The following DOCK3 variants were observed in gnomAD, a reference collection of about 807,000 sequenced individuals.
DOCK3 encodes dedicator of cytokinesis protein 3.
Under a neutral mutation model 265.6 loss-of-function variants are expected in DOCK3, and 60 were observed. That is an observed-to-expected ratio of 0.23 (90% CI 0.18 to 0.28). The LOEUF is 0.28. DOCK3 is among the 10% of genes least tolerant of loss of function. DOCK3 has a pLI of 1.00. For missense variants in DOCK3, 1,981 were observed against 2,594.3 expected, an observed-to-expected ratio of 0.76 and a Z score of 5.14; for synonymous variants, 881 against 938.0, an observed-to-expected ratio of 0.94 and a Z score of 1.11.
At chr3:51,249,876 G>T (rs1161599509) in intron 22 of DOCK3, among the ~76,000 whole-genome samples, 1 of 147,434 alleles carries the variant, frequency 6.8e-6, no homozygotes, top group South Asian at 2.2e-4. Context: ...GATGGTTGCC[G>T]TGTCTGTGTA....
Position 50,982,118 on chromosome 3 carries a change from G to C in DOCK3, c.315+48041G>C, listed in dbSNP as rs1053365687. Among the ~76,000 whole-genome samples, 5 of 152,178 alleles carry C rather than the reference G, an allele frequency of 3.3e-5. 1 individual carries two copies. Among genetic ancestry groups the C allele is most frequent in the Admixed American group, 3.3e-4 (5 of 15,288 alleles). ...CCTGCCTCTGCCTCCCAAAGTGCTGGGATTACAGGGGTGAACCACTGCCCC... is the reference window on the plus strand; with the variant it reads ...CCTGCCTCTGCCTCCCAAAGTGCTGCGATTACAGGGGTGAACCACTGCCCC... On this transcript the variant is annotated intron_variant, in intron 5 of 52. Transcript: ENST00000266037.
chr3:50,686,166 G>A (rs2034783199), intron 1 of DOCK3, among the ~76,000 whole-genome samples: 1 of 151,964 alleles, frequency 6.6e-6, no homozygotes, highest in South Asian at 2.1e-4. Flanking sequence ...CCTGCAACTA[G>A]ATGGTCCCAT....
At chr3:51,090,641 G>C (rs1481374515) in intron 9 of DOCK3, among the ~76,000 whole-genome samples, 1 of 152,158 alleles carries the variant, frequency 6.6e-6, no homozygotes, top group Non-Finnish European at 1.5e-5. Flanking sequence ...CCACCTCACA[G>C]AGAGAAAAGG....
intron 5 of DOCK3, among the ~76,000 whole-genome samples, chr3:50,991,733 A>G (rs7614482): frequency 0.76 from 114,807 of 151,956 alleles, 44,510 homozygotes; most frequent in Middle Eastern, 0.88. Flanking sequence ...CATTGGACCA[A>G]TTGCATCTGA....
intron 5 of DOCK3, among the ~76,000 whole-genome samples, chr3:50,954,008 G>C (rs964126344): frequency 6.6e-6 from 1 of 151,922 alleles, no homozygotes; most frequent in African/African-American, 2.4e-5. Context: ...ACATTGTTAT[G>C]CAATCCCCAC....
intron 5 of DOCK3, among the ~76,000 whole-genome samples, chr3:51,012,098 C>T (rs1420007406): frequency 1.3e-5 from 2 of 152,208 alleles, no homozygotes; most frequent in Non-Finnish European, 2.9e-5. Flanking sequence ...GGCAGTCTGT[C>T]AGTTCTCAGA....
intron 5 of DOCK3, among the ~76,000 whole-genome samples, chr3:51,050,020 C>T (rs1404244254): frequency 1.3e-5 from 2 of 151,836 alleles, no homozygotes; most frequent in African/African-American, 4.8e-5. Flanking sequence ...TTGAAGATCC[C>T]TGCAATAAAA....
chr3:50,886,669 T>A (rs957884110), intron 3 of DOCK3, among the ~76,000 whole-genome samples: 34 of 151,298 alleles, frequency 2.2e-4, no homozygotes, highest in African/African-American at 8.0e-4. Context: ...GGTGTTTGAT[T>A]TTTTGTCCTT....
rs1407195222 is a variant in DOCK3 at position 50,969,886 on chromosome 3, C to T, written c.315+35809C>T. On this transcript the variant is annotated intron_variant, in intron 5 of 52. Transcript: ENST00000266037. ...GGAGATCAAGACCATCTGGCTAACA[C>T]GGTGAAACACCATGTCTACTAAAAA... Among the ~76,000 whole-genome samples, 17 of 152,184 alleles carry T rather than the reference C, an allele frequency of 1.1e-4. No individual in the cohort carries two copies. The East Asian group carries it at 1.4e-3, about 12-fold the overall frequency.
At chr3:51,318,807 C>T (rs987275810) in intron 32 of DOCK3, among the ~76,000 whole-genome samples, 1 of 151,872 alleles carries the variant, frequency 6.6e-6, no homozygotes, top group African/African-American at 2.4e-5. Flanking sequence ...TAAAATGTTC[C>T]ACTTTGTTTA....
intron 5 of DOCK3, among the ~76,000 whole-genome samples, chr3:51,010,378 T>G (rs773429033): frequency 6.6e-6 from 1 of 152,210 alleles, no homozygotes; most frequent in Non-Finnish European, 1.5e-5. Flanking sequence ...TATAATAGTC[T>G]TCTTTGTCTC....
intron 22 of DOCK3, among the ~76,000 whole-genome samples, chr3:51,258,352 C>T (rs180840035): frequency 1.3e-4 from 20 of 152,128 alleles, no homozygotes; most frequent in Non-Finnish European, 2.5e-4. Context: ...ACGTAATTGC[C>T]GATCCTTCCT....
chr3:51,047,880 T>C (rs1203036891), intron 5 of DOCK3, among the ~76,000 whole-genome samples: 1 of 152,120 alleles, frequency 6.6e-6, no homozygotes, highest in African/African-American at 2.4e-5. Flanking sequence ...TCCAACTCAT[T>C]TTATGAGGCC....
intron 23 of DOCK3, among the ~76,000 whole-genome samples, chr3:51,263,395 T>C (rs1392603750): frequency 6.6e-6 from 1 of 152,214 alleles, no homozygotes; most frequent in African/African-American, 2.4e-5. Context: ...CCACCAGGCC[T>C]GCCTTACAAG....
At chr3:51,256,643 G>T (rs2079567750) in intron 22 of DOCK3, among the ~76,000 whole-genome samples, 1 of 150,520 alleles carries the variant, frequency 6.6e-6, no homozygotes, top group Admixed American at 6.6e-5. Context: ...GTGCAGGCTG[G>T]ACTGCAGAGG....
intron 1 of DOCK3, among the ~76,000 whole-genome samples, chr3:50,689,434 A>G (rs6786291): frequency 1 from 151,755 of 152,294 alleles, 75,617 homozygotes; most frequent in Middle Eastern, 1. Context: ...GAGAAGTGCC[A>G]AGCAAAAGGG....
intron 12 of DOCK3, among the ~76,000 whole-genome samples, chr3:51,176,961 C>G (rs557522096): frequency 2.4e-4 from 37 of 152,234 alleles, no homozygotes; most frequent in Middle Eastern, 3.4e-3. Flanking sequence ...CTAATTCCAT[C>G]AATAATATCT....
intron 10 of DOCK3, among the ~76,000 whole-genome samples, chr3:51,152,425 A>T (rs1251600377): frequency 6.6e-6 from 1 of 151,816 alleles, no homozygotes; most frequent in African/African-American, 2.4e-5. Context: ...AGCTTCTTTG[A>T]GATGGGTTTG....
intron 4 of DOCK3, among the ~76,000 whole-genome samples, chr3:50,908,196 G>GTT (rs1181712469): frequency 2.5e-5 from 3 of 122,418 alleles, no homozygotes; most frequent in Non-Finnish European, 5.6e-5. Context: ...TTTTTGAAGG[G>GTT]CTTTTTTTTT....
Sources: gnomAD v4.1 joint callset for allele counts (sites outside exome capture counted in the v4.1 genomes callset) on GRCh38, gnomAD v4.1.1 for gene constraint, MANE v1.5 for transcripts, NCBI Gene and HGNC (gene_info 2026-07-23, HGNC 2026-07-21) for gene names.